The following TRPM3 variants were observed in gnomAD, a reference collection of about 807,000 sequenced individuals.
TRPM3 encodes the protein long transient receptor potential channel 3.
A neutral mutation model predicts 181.2 loss-of-function variants in TRPM3; 77 were observed. The observed-to-expected ratio is 0.42, with a 90% confidence interval of 0.35 to 0.51. The LOEUF is 0.51. Among genes scored for constraint, TRPM3 ranks in the 20% least tolerant of loss-of-function variants. TRPM3 has a pLI of 0.01. For missense variants in TRPM3, 1,759 were observed against 2,196.7 expected (o/e 0.80, Z 3.98); for synonymous variants, 745 against 796.4 (o/e 0.94, Z 1.09).
At chr9:71,426,834 AT>A in intron 1 of TRPM3, among the ~76,000 whole-genome samples, 1 of 152,162 alleles carries the variant, frequency 6.6e-6, no homozygotes, top group East Asian at 1.9e-4. Context: ...AAAAAAAAAA[AT>A]TCAGACCTAA....
intron 1 of TRPM3, 27 bp from the exon 2 acceptor site, chr9:70,864,538 A>AAAAAAAAAAAAAAAAAAAAAG (rs375135324): frequency 5.6e-6 from 8 of 1,433,880 alleles, no homozygotes; most frequent in Non-Finnish European, 6.4e-6. Flanking sequence ...AAAAAAAAAA[A>AAAAAAAAAAAAAAAAAAAAAG]AAAGAAAAAA....
chr9:70,959,494 G>C (rs1001726868), intron 1 of TRPM3, among the ~76,000 whole-genome samples: 15 of 151,824 alleles, frequency 9.9e-5, no homozygotes, highest in African/African-American at 3.1e-4. Flanking sequence ...AGAAAGAAAG[G>C]CATGCTCATT....
At chr9:71,018,714 T>A (rs751939861) in intron 1 of TRPM3, among the ~76,000 whole-genome samples, 1 of 151,866 alleles carries the variant, frequency 6.6e-6, no homozygotes, top group Non-Finnish European at 1.5e-5. Context: ...TTCTTCCACA[T>A]ATTTAAGGAA....
At chr9:71,076,394 G>C (rs1350736596) in intron 1 of TRPM3, among the ~76,000 whole-genome samples, 1 of 152,192 alleles carries the variant, frequency 6.6e-6, no homozygotes, top group Non-Finnish European at 1.5e-5. Context: ...CCTAGGAAGA[G>C]AAAAGCTTTC....
intron 1 of TRPM3, among the ~76,000 whole-genome samples, chr9:70,897,563 C>T (rs1400896031): frequency 6.6e-6 from 1 of 152,030 alleles, no homozygotes; most frequent in Non-Finnish European, 1.5e-5. Context: ...ACAGTTGTAA[C>T]AGCCCGCAAG....
At chr9:71,288,429 A>C (rs2085489618) in intron 1 of TRPM3, among the ~76,000 whole-genome samples, 2 of 152,140 alleles carry the variant, frequency 1.3e-5, no homozygotes, top group African/African-American at 4.8e-5. Flanking sequence ...ACAGGGAGAC[A>C]AACAGACAAA....
chr9:71,275,001 A>T (rs541173959), intron 1 of TRPM3, among the ~76,000 whole-genome samples: 50 of 152,298 alleles, frequency 3.3e-4, no homozygotes, highest in Middle Eastern at 3.4e-3. Context: ...AAAGGCAAAG[A>T]TCCCTGCTAT....
chr9:70,938,745 G>A (rs112334074), intron 1 of TRPM3, among the ~76,000 whole-genome samples: 3,939 of 152,070 alleles, frequency 0.026, 181 homozygotes, highest in African/African-American at 0.09. Flanking sequence ...GAGGTCAAGA[G>A]ATCGAGACCA....
At chr9:71,291,745 C>A (rs1404867780) in intron 1 of TRPM3, among the ~76,000 whole-genome samples, 1 of 151,942 alleles carries the variant, frequency 6.6e-6, no homozygotes, top group Admixed American at 6.6e-5. Flanking sequence ...TTCTGATACA[C>A]TGATAATTGA....
At chr9:70,819,977 T>C (rs1181273963) in intron 6 of TRPM3, among the ~76,000 whole-genome samples, 1 of 152,224 alleles carries the variant, frequency 6.6e-6, no homozygotes, top group African/African-American at 2.4e-5. Flanking sequence ...AGAAAAAATC[T>C]GATATTGACT....
intron 6 of TRPM3, among the ~76,000 whole-genome samples, chr9:70,823,045 T>C (rs1660755762): frequency 1.3e-5 from 2 of 152,124 alleles, no homozygotes; most frequent in South Asian, 4.1e-4. Flanking sequence ...TGGCCTGCTC[T>C]TCAGCTCTGC....
intron 1 of TRPM3, among the ~76,000 whole-genome samples, chr9:71,383,898 CA>C (rs1326722867): frequency 1.3e-5 from 2 of 152,148 alleles, no homozygotes; most frequent in African/African-American, 4.8e-5. Context: ...ATTATGCACA[CA>C]AAACACTAAA....
intron 25 of TRPM3, among the ~76,000 whole-genome samples, chr9:70,542,354 C>G (rs546083309): frequency 6.6e-6 from 1 of 152,290 alleles, no homozygotes; most frequent in Non-Finnish European, 1.5e-5. Context: ...GGAAGAGATG[C>G]TATGAGAGGA....
At chr9:70,910,965 T>C (rs1432385568) in intron 1 of TRPM3, among the ~76,000 whole-genome samples, 1 of 152,208 alleles carries the variant, frequency 6.6e-6, no homozygotes, top group Non-Finnish European at 1.5e-5. Flanking sequence ...ACAGCAGCTC[T>C]CTATCAAAGT....
chr9:70,923,166 T>G (rs2096675394), intron 1 of TRPM3, among the ~76,000 whole-genome samples: 1 of 152,102 alleles, frequency 6.6e-6, no homozygotes. Context: ...AACTAGTTAA[T>G]AAAAACAAAA....
At chr9:71,024,973 C>T (rs1203219757) in intron 1 of TRPM3, among the ~76,000 whole-genome samples, 1 of 152,140 alleles carries the variant, frequency 6.6e-6, no homozygotes, top group Admixed American at 6.5e-5. Flanking sequence ...CACAATGCTG[C>T]TTGGAGAGGG....
chr9:70,535,374 G>C lies in TRPM3; in HGVS notation c.*579C>G, dbSNP rs1359614813. Reference sequence around the variant, plus strand: ...TTTTTCTTTATAATGATCAATTACAGAAGTGTTGGCATGAGAAGGATGTGG... The same window carrying C: ...TTTTTCTTTATAATGATCAATTACACAAGTGTTGGCATGAGAAGGATGTGG... On this transcript the variant is annotated 3_prime_UTR_variant, in exon 26 of 26. Coordinates refer to ENST00000677713, the MANE Select transcript of TRPM3 (RefSeq NM_001366145.2). 1 of 1,532,292 alleles carries C rather than the reference G, an allele frequency of 6.5e-7. No individual in the cohort carries two copies. Among genetic ancestry groups the C allele is most frequent in the East Asian group, 2.4e-5 (1 of 40,832 alleles). 94.9% of individuals were successfully genotyped at this position (1,532,292 alleles called of 1,614,324 possible). A position where few individuals can be genotyped will look rare whatever the true frequency, so the allele number is the denominator to read the frequency against.
At chr9:71,091,211 G>C (rs1431978704) in intron 1 of TRPM3, among the ~76,000 whole-genome samples, 1 of 152,078 alleles carries the variant, frequency 6.6e-6, no homozygotes, top group Non-Finnish European at 1.5e-5. Flanking sequence ...TTTATTAACA[G>C]AAGTTGTATT....
chr9:70,667,826 A>C (rs890309853), intron 9 of TRPM3, among the ~76,000 whole-genome samples: 1 of 152,168 alleles, frequency 6.6e-6, no homozygotes, highest in Non-Finnish European at 1.5e-5. Context: ...TAGAAATGCC[A>C]CACATCACTT....
Sources: allele counts gnomAD v4.1 joint callset (sites outside exome capture counted in the v4.1 genomes callset), GRCh38; gene constraint gnomAD v4.1.1; transcripts MANE v1.5; gene names NCBI Gene and HGNC (gene_info 2026-07-23, HGNC 2026-07-21).